Variants in OSBPL10 observed in about 807,000 individuals in gnomAD.
The protein encoded by OSBPL10 is oxysterol binding protein like 10.
In OSBPL10, 49 loss-of-function variants were observed where a neutral mutation model predicts 81.7. The observed-to-expected ratio is 0.60, with a 90% CI of 0.48 to 0.76. The LOEUF is 0.76. Among genes scored for constraint, OSBPL10 ranks in the 30% least tolerant of loss-of-function variants. The pLI is 0.00. For synonymous variants in OSBPL10, 419 were observed against 383.6 expected (o/e 1.09, Z -1.08); for missense variants, 923 against 987.8 (o/e 0.93, Z 0.88).
intron 9 of OSBPL10, among the ~76,000 whole-genome samples, chr3:31,669,049 G>GTA (rs1700264247): frequency 6.6e-6 from 1 of 152,074 alleles, no homozygotes; most frequent in African/African-American, 2.4e-5. Flanking sequence ...AAAGTCTATA[G>GTA]ATTAGTTCAT....
chr3:31,783,211 C>G (rs189173800), intron 4 of OSBPL10, among the ~76,000 whole-genome samples: 102 of 148,626 alleles, frequency 6.9e-4, no homozygotes, highest in African/African-American at 2.4e-3. Flanking sequence ...TCACAGCAAC[C>G]TGGATGGAGT....
intron 1 of OSBPL10, among the ~76,000 whole-genome samples, chr3:31,912,790 C>G (rs1042570863): frequency 2.0e-5 from 3 of 152,166 alleles, no homozygotes; most frequent in African/African-American, 7.2e-5. Flanking sequence ...TTTCCTGCCA[C>G]AGCAGGCATG....
At chr3:31,992,469 G>C (rs1220597452) in intron 2 of OSBPL10, among the ~76,000 whole-genome samples, 1 of 152,180 alleles carries the variant, frequency 6.6e-6, no homozygotes, top group South Asian at 2.1e-4. Context: ...GGCTCTAGGG[G>C]AGAATCTATT....
At chr3:31,663,206 T>A in intron 11 of OSBPL10, 4 of 985,140 alleles carry the variant, frequency 4.1e-6, no homozygotes, top group Non-Finnish European at 4.8e-6. Context: ...TTTGATTGCC[T>A]ACTGGTATTT....
chr3:31,670,016 C>A (rs1047331669), intron 9 of OSBPL10, among the ~76,000 whole-genome samples: 1 of 152,194 alleles, frequency 6.6e-6, no homozygotes, highest in Non-Finnish European at 1.5e-5. Flanking sequence ...GTACCATTTG[C>A]CAATTTCTGT....
chr3:31,879,091 C>CT (rs544093368), intron 2 of OSBPL10, among the ~76,000 whole-genome samples: 4 of 151,922 alleles, frequency 2.6e-5, no homozygotes, highest in Non-Finnish European at 4.4e-5. Context: ...TATCCATTTT[C>CT]TTTTTTTTCT....
Position 31,981,131 on chromosome 3 carries a change from T to G in OSBPL10, c.49A>C (p.Ser17Arg), listed in dbSNP as rs1698830357. 2 of 1,491,724 alleles carry G rather than the reference T, an allele frequency of 1.3e-6. No individual in the cohort carries two copies. Among genetic ancestry groups the G allele is most frequent in the East Asian group, 5.8e-5 (2 of 34,238 alleles). The allele number at this position is 1,491,724 out of a possible 1,614,324, so 92.4% of individuals were successfully genotyped here. Residue 17 changes from serine to arginine, a missense_variant, in exon 1 of 12, where the codon AGC becomes CGC. Physicochemically the swap from Ser to Arg is moderately radical, Grantham distance 110 (BLOSUM62 -1). This residue lies in a region of OSBPL10 where 514 missense variants were observed against 508.0 expected (regional missense o/e 1.01). Coordinates refer to ENST00000396556, the MANE Select transcript of OSBPL10 (RefSeq NM_017784.5). This position sits in a 1 kb window ranked among gnomAD's most constrained non-coding sequence, Gnocchi z 4.5. ...GTAGCACGGCTGCTGCTGCGGCTGC[T>G]GCTGTTGCTACCCCCGCCGCCGTCT... is the stretch of plus-strand genomic sequence containing the variant. Reference protein sequence around the residue: ...GTDGGGGSNSSSRSSSRATSA... With the variant: ...GTDGGGGSNSRSRSSSRATSA...
At chr3:31,870,129 G>GC in intron 3 of OSBPL10, among the ~76,000 whole-genome samples, 1 of 152,356 alleles carries the variant, frequency 6.6e-6, no homozygotes, top group South Asian at 2.1e-4. Flanking sequence ...AGGGACAGGC[G>GC]CAAGGGGGAA....
chr3:31,801,107 G>A (rs1479592723), intron 4 of OSBPL10, among the ~76,000 whole-genome samples: 1 of 152,106 alleles, frequency 6.6e-6, no homozygotes, highest in Non-Finnish European at 1.5e-5. Context: ...CTAGGATTCA[G>A]CCACCTGGAC....
At chr3:31,709,084 CTG>C (rs1404738397) in intron 6 of OSBPL10, 1 of 963,996 alleles carries the variant, frequency 1.0e-6, no homozygotes, top group Non-Finnish European at 1.2e-6. Context: ...AACGAGGCCA[CTG>C]TGAGGGGAAC....
intron 4 of OSBPL10, among the ~76,000 whole-genome samples, chr3:31,817,903 G>T (rs554536717): frequency 1.4e-4 from 21 of 152,190 alleles, no homozygotes; most frequent in Non-Finnish European, 2.6e-4. Flanking sequence ...TTAGGAGATT[G>T]AGACCAGCCC....
intron 1 of OSBPL10, among the ~76,000 whole-genome samples, chr3:31,944,500 C>A (rs1372035759): frequency 6.6e-6 from 1 of 152,158 alleles, no homozygotes; most frequent in Non-Finnish European, 1.5e-5. Context: ...CCTGCTAAAG[C>A]ATGGATATAT....
intron 4 of OSBPL10, among the ~76,000 whole-genome samples, chr3:31,784,148 G>C (rs1443629846): frequency 2.6e-5 from 4 of 151,628 alleles, no homozygotes; most frequent in Non-Finnish European, 5.9e-5. Flanking sequence ...AGACCAGCCT[G>C]GCCAACATGG....
chr3:31,862,141 A>G (rs1307077248), intron 3 of OSBPL10, among the ~76,000 whole-genome samples: 1 of 152,024 alleles, frequency 6.6e-6, no homozygotes, highest in Non-Finnish European at 1.5e-5. Context: ...TATCTCACGT[A>G]CCTCATAAAT....
Position 31,692,560 on chromosome 3 carries a change from A to C in OSBPL10, c.1246-8446T>G, listed in dbSNP as rs183069125. ...GACCACCTCTGACACTTCTGTAAAC[A>C]ATCAGTCACCTGCTCAGAGAAAAAG... On this transcript the variant is annotated intron_variant, in intron 7 of 11. Transcript: ENST00000396556. 3.2e-4 allele frequency among the ~76,000 whole-genome samples: 47 copies of C among 147,136 alleles called. No individual in the cohort carries two copies. The East Asian group carries it at 7.5e-3, about 24-fold the overall frequency.
chr3:31,726,912 C>G (rs2125651035), intron 6 of OSBPL10, among the ~76,000 whole-genome samples: 1 of 151,428 alleles, frequency 6.6e-6, no homozygotes, highest in East Asian at 1.9e-4. Context: ...GGTGTGATCA[C>G]AGCCCACTGC....
chr3:31,765,454 A>C (rs542218398), intron 4 of OSBPL10, among the ~76,000 whole-genome samples: 2 of 152,034 alleles, frequency 1.3e-5, no homozygotes, highest in Admixed American at 1.3e-4. Flanking sequence ...GATGTGGCAA[A>C]CTGTGGGCAA....
At chr3:31,891,964 G>C (rs769795999) in intron 1 of OSBPL10, among the ~76,000 whole-genome samples, 3 of 152,100 alleles carry the variant, frequency 2.0e-5, no homozygotes, top group Non-Finnish European at 4.4e-5. Flanking sequence ...GGATACATGT[G>C]GTATGGGTGA....
rs541264976 is a variant in OSBPL10, at chr3:31,709,963, T to C, written c.1096-7455A>G. Among the ~76,000 whole-genome samples the C allele has an allele frequency of 1.2e-4, 18 of 152,328 alleles. No individual in the cohort carries two copies. In the East Asian group the frequency reaches 3.5e-3, roughly 29 times the overall value. ...ACCCTGAAAGCAAAGCTGTTTATGATTGTGGGGCCAAGGTCTTCAGGCAGC... is the reference window on the plus strand; with the variant it reads ...ACCCTGAAAGCAAAGCTGTTTATGACTGTGGGGCCAAGGTCTTCAGGCAGC... On this transcript the variant is annotated intron_variant, in intron 6 of 11. Transcript: ENST00000396556.
Sources: gnomAD v4.1 joint callset for allele counts (sites outside exome capture counted in the v4.1 genomes callset) on GRCh38, gnomAD v4.1.1 for gene constraint, gnomAD v4.1.1 regional missense constraint, Gnocchi (gnomAD v3.1) non-coding constraint, MANE v1.5 for transcripts, NCBI Gene and HGNC (gene_info 2026-07-23, HGNC 2026-07-21) for gene names.